Variants in PCDH11X observed in about 807,000 individuals in gnomAD.
PCDH11X encodes protocadherin 11 X-linked.
PCDH11X carries 18 observed loss-of-function variants against 53.3 expected under a neutral mutation model. The ratio of observed to expected loss-of-function variants is 0.34; its 90% CI spans 0.23 to 0.50. The LOEUF (loss-of-function observed/expected upper bound fraction) is 0.50, where lower values mean the gene tolerates loss of function less well. Among genes scored for constraint, PCDH11X ranks in the 20% least tolerant of loss-of-function variants. PCDH11X has a pLI of 0.98. For missense variants in PCDH11X, 570 were observed against 1,032.4 expected, an observed-to-expected ratio of 0.55 and a Z score of 6.14; for synonymous variants, 279 against 393.3, an observed-to-expected ratio of 0.71 and a Z score of 3.44.
intron 7 of PCDH11X, among the ~76,000 whole-genome samples, chrX:92,238,237 T>G (rs767280263): frequency 5.3e-4 from 59 of 111,782 alleles, no homozygotes; most frequent in African/African-American, 1.9e-3. Flanking sequence ...AAGACTAAAA[T>G]GAAGGTCAGT....
chrX:92,050,851 CATGTAGCTCCAAGTTGGACA>C (rs1251348053), intron 6 of PCDH11X, among the ~76,000 whole-genome samples: 1 of 107,990 alleles, frequency 9.3e-6, no homozygotes, highest in Non-Finnish European at 1.9e-5. Flanking sequence ...ACTGGAACCC[CATGTAGCTCCAAGTTGGACA>C]AAGTCAGCTG....
chrX:92,146,588 G>A (rs1215397131), intron 6 of PCDH11X, among the ~76,000 whole-genome samples: 3 of 111,683 alleles, frequency 2.7e-5, no homozygotes, highest in South Asian at 3.7e-4. Flanking sequence ...ATATTTCTTC[G>A]TTTGATGCCT....
intron 8 of PCDH11X, among the ~76,000 whole-genome samples, chrX:92,352,500 C>A (rs185944278): frequency 1.7e-4 from 19 of 111,235 alleles, no homozygotes; most frequent in African/African-American, 5.6e-4. Context: ...TCAGGGATTT[C>A]TTCTTAGTTT....
chrX:92,562,129 C>A (rs1197712753), intron 10 of PCDH11X, among the ~76,000 whole-genome samples: 1 of 60,511 alleles, frequency 1.7e-5, no homozygotes, highest in East Asian at 6.0e-4. Context: ...GGAACAAATA[C>A]CTCACATGGC....
chrX:92,049,178 A>AAAGG lies in PCDH11X; in HGVS notation c.3034-152186_3034-152183dup, dbSNP rs746204214. 1.4e-4 allele frequency among the ~76,000 whole-genome samples: 15 copies of AAAGG among 110,912 alleles called. No individual in the cohort carries two copies. In the East Asian group the frequency reaches 3.7e-3, roughly 27 times the overall value. On this transcript the variant is annotated intron_variant, in intron 6 of 10. Transcript: ENST00000682573. ...TTAGCTGATTATCTCCTGGATCTGG[A>AAAGG]AAGGAAGGAAGGAAAGCAAAGGGGA...
At chrX:92,102,009 G>A (rs1469985275) in intron 6 of PCDH11X, among the ~76,000 whole-genome samples, 1 of 111,795 alleles carries the variant, frequency 8.9e-6, no homozygotes, top group African/African-American at 3.3e-5. Flanking sequence ...AATCAAGTGT[G>A]ATCAGGGTGA....
At chrX:91,861,243 AG>A (rs1938657257) in intron 5 of PCDH11X, among the ~76,000 whole-genome samples, 1 of 111,884 alleles carries the variant, frequency 8.9e-6, no homozygotes, top group Non-Finnish European at 1.9e-5. Flanking sequence ...GATTTCTTCT[AG>A]ATTTTCTAGT....
intron 1 of PCDH11X, among the ~76,000 whole-genome samples, chrX:91,792,321 T>G (rs1935583936): frequency 8.9e-6 from 1 of 111,922 alleles, no homozygotes; most frequent in East Asian, 2.8e-4. Flanking sequence ...GTTCAAAATA[T>G]TAAACAAAAT....
At chrX:92,272,889 G>A (rs755842635) in intron 8 of PCDH11X, among the ~76,000 whole-genome samples, 15 of 112,293 alleles carry the variant, frequency 1.3e-4, no homozygotes, top group Admixed American at 3.8e-4. Context: ...GCTTAATTTC[G>A]TATAATAACC....
At chrX:91,904,637 C>A (rs957495229) in intron 6 of PCDH11X, among the ~76,000 whole-genome samples, 3 of 110,767 alleles carry the variant, frequency 2.7e-5, no homozygotes, top group Non-Finnish European at 5.7e-5. Context: ...TACTTCAGTG[C>A]ATATTCTTTC....
intron 6 of PCDH11X, among the ~76,000 whole-genome samples, chrX:91,945,794 C>A (rs1406063497): frequency 2.7e-5 from 3 of 110,167 alleles, no homozygotes; most frequent in Non-Finnish European, 5.7e-5. Context: ...TGAAACCGAA[C>A]CTTTACCCAT....
intron 6 of PCDH11X, among the ~76,000 whole-genome samples, chrX:91,931,857 G>A (rs2061389449): frequency 9.0e-6 from 1 of 110,926 alleles, no homozygotes; most frequent in Non-Finnish European, 1.9e-5. Flanking sequence ...GGGTGCATGT[G>A]CAGGATGTGC....
intron 10 of PCDH11X, among the ~76,000 whole-genome samples, chrX:92,514,581 A>T (rs2074223161): frequency 9.5e-6 from 1 of 105,219 alleles, no homozygotes; most frequent in Admixed American, 1.0e-4. Flanking sequence ...AATACAAAAA[A>T]ATAGCTGGGT....
At chrX:92,158,851 G>A (rs917988500) in intron 6 of PCDH11X, among the ~76,000 whole-genome samples, 22 of 111,142 alleles carry the variant, frequency 2.0e-4, no homozygotes, top group African/African-American at 6.2e-4. Flanking sequence ...GGCCAGGATG[G>A]TCTCGATCTC....
At chrX:92,539,571 T>A (rs960467371) in intron 10 of PCDH11X, among the ~76,000 whole-genome samples, 1 of 111,754 alleles carries the variant, frequency 8.9e-6, no homozygotes, top group South Asian at 3.8e-4. Flanking sequence ...AGGTCACATG[T>A]CCCTGTTTCT....
chrX:91,887,936 G>C (rs2147757785), intron 6 of PCDH11X, among the ~76,000 whole-genome samples: 1 of 111,213 alleles, frequency 9.0e-6, no homozygotes, highest in East Asian at 2.8e-4. Context: ...TGATGAAAAA[G>C]CTTTTATACT....
At chrX:92,114,922 C>T (rs965295625) in intron 6 of PCDH11X, among the ~76,000 whole-genome samples, 13 of 110,744 alleles carry the variant, frequency 1.2e-4, no homozygotes, top group African/African-American at 4.3e-4. Context: ...ACCTCTGCCT[C>T]CTGGGTTCAA....
intron 10 of PCDH11X, among the ~76,000 whole-genome samples, chrX:92,579,754 A>G (rs762980137): frequency 1.2e-3 from 130 of 111,874 alleles, no homozygotes; most frequent in African/African-American, 4.0e-3. Flanking sequence ...CAATTCAGCC[A>G]TCTCAGCCTC....
chrX:91,917,742 T>C (rs1941619500), intron 6 of PCDH11X, among the ~76,000 whole-genome samples: 1 of 105,981 alleles, frequency 9.4e-6, no homozygotes, highest in Non-Finnish European at 1.9e-5. Flanking sequence ...AAAATCACCA[T>C]ACTACCAAAA....
Sources: allele counts gnomAD v4.1 joint callset (sites outside exome capture counted in the v4.1 genomes callset), GRCh38; gene constraint gnomAD v4.1.1; transcripts MANE v1.5; gene names NCBI Gene and HGNC (gene_info 2026-07-23, HGNC 2026-07-21).